The following ACOXL variants were observed in gnomAD, a reference collection of about 807,000 sequenced individuals.
ACOXL encodes acyl-coenzyme A oxidase-like protein.
A neutral mutation model predicts 71.9 loss-of-function variants in ACOXL; 70 were observed. The observed-to-expected ratio is 0.97, with a 90% CI of 0.80 to 1.19. The LOEUF (loss-of-function observed/expected upper bound fraction) is 1.19. Among genes scored for constraint, ACOXL ranks in the 50% most tolerant of loss-of-function variants. ACOXL has a pLI of 0.00. For missense variants in ACOXL, 703 were observed against 736.3 expected (o/e 0.95, Z 0.52); for synonymous variants, 253 against 281.6 (o/e 0.90, Z 1.02).
chr2:110,873,681 A>C (rs528864052), intron 10 of ACOXL, among the ~76,000 whole-genome samples: 189 of 152,168 alleles, frequency 1.2e-3, no homozygotes, highest in Middle Eastern at 6.8e-3. Flanking sequence ...TCATCCCTCA[A>C]ATTGCCCTGC....
intron 7 of ACOXL, among the ~76,000 whole-genome samples, chr2:110,800,287 G>A (rs574190209): frequency 6.6e-6 from 1 of 152,196 alleles, no homozygotes; most frequent in East Asian, 1.9e-4. Flanking sequence ...GGAAGGATTT[G>A]TTCTAGGACT....
At chr2:110,915,857 T>C (rs1248127258) in intron 11 of ACOXL, among the ~76,000 whole-genome samples, 3 of 152,244 alleles carry the variant, frequency 2.0e-5, no homozygotes, top group Middle Eastern at 3.4e-3. Context: ...GATTTTGATA[T>C]CAGTGTTATA....
intron 12 of ACOXL, among the ~76,000 whole-genome samples, chr2:110,986,453 T>C (rs1196241027): frequency 6.6e-6 from 1 of 152,222 alleles, no homozygotes; most frequent in African/African-American, 2.4e-5. Context: ...CTGCTGGTCT[T>C]CCCTGGGCTC....
At chr2:110,943,529 G>A (rs1342678878) in intron 12 of ACOXL, among the ~76,000 whole-genome samples, 1 of 152,182 alleles carries the variant, frequency 6.6e-6, no homozygotes, top group Non-Finnish European at 1.5e-5. Flanking sequence ...GCTTCCCCAA[G>A]CAGGGTAAGT....
chr2:111,075,683 T>C (rs1221467106), intron 16 of ACOXL, among the ~76,000 whole-genome samples: 1 of 152,100 alleles, frequency 6.6e-6, no homozygotes, highest in Non-Finnish European at 1.5e-5. Context: ...CTTTTCTTCT[T>C]TTCTCTTGTA....
chr2:110,834,590 C>A (rs145691031), intron 9 of ACOXL, among the ~76,000 whole-genome samples: 1 of 152,250 alleles, frequency 6.6e-6, no homozygotes, highest in Non-Finnish European at 1.5e-5. Flanking sequence ...AGTCCCAGTT[C>A]ACTGTGACAG....
intron 10 of ACOXL, among the ~76,000 whole-genome samples, chr2:110,882,302 T>A (rs1256086085): frequency 1.3e-5 from 2 of 152,072 alleles, no homozygotes; most frequent in Non-Finnish European, 2.9e-5. Context: ...TTTCACCATT[T>A]AAAAAAAATT....
chr2:110,948,965 A>G (rs943927094), intron 12 of ACOXL, among the ~76,000 whole-genome samples: 7 of 152,100 alleles, frequency 4.6e-5, no homozygotes, highest in Admixed American at 1.3e-4. Context: ...AGACACGTAC[A>G]TTTCACTACA....
rs566984448 is a variant in ACOXL at position 110,981,810 on chromosome 2, A to G, written c.1060-5298A>G. 4.6e-5 allele frequency among the ~76,000 whole-genome samples: 7 copies of G among 152,254 alleles called. No individual in the cohort carries two copies. The South Asian group carries it at 1.5e-3, about 32-fold the overall frequency. Reference sequence around the variant, plus strand: ...TGCGTGTGCATAGGCTGATCTCTCTATCTGCACTGGAAGACCCCGAGGGAC... The same window carrying G: ...TGCGTGTGCATAGGCTGATCTCTCTGTCTGCACTGGAAGACCCCGAGGGAC... On this transcript the variant is annotated intron_variant, in intron 12 of 17. Transcript: ENST00000439055.
intron 8 of ACOXL, among the ~76,000 whole-genome samples, chr2:110,804,854 A>G (rs972222225): frequency 6.6e-6 from 1 of 150,742 alleles, no homozygotes; most frequent in Non-Finnish European, 1.5e-5. Context: ...AGGGACTGCT[A>G]GTGGGGTGGG....
rs997771869 is a variant in ACOXL, at chr2:110,963,834, A to G, written c.1060-23274A>G. On this transcript the variant is annotated intron_variant, in intron 12 of 17. Coordinates refer to ENST00000439055, the MANE Select transcript of ACOXL (RefSeq NM_001142807.4). The stretch of plus-strand genomic sequence containing the variant: ...CAGGTGCTTTCCTGTTAGGCACTTG[A>G]TATTTGTTGTAGCTGAACAGGGGAT... 1.3e-4 allele frequency: 176 copies of G among 1,370,594 alleles called. No homozygotes were observed. In the Middle Eastern group the frequency reaches 2.3e-3, roughly 18 times the overall value. 84.9% of individuals were successfully genotyped at this position (1,370,594 alleles called of 1,614,324 possible).
At chr2:111,027,434 G>C (rs1330221841) in intron 14 of ACOXL, among the ~76,000 whole-genome samples, 2 of 150,754 alleles carry the variant, frequency 1.3e-5, no homozygotes, top group African/African-American at 4.9e-5. Flanking sequence ...CGATTCTTCT[G>C]CCTCAGCCTC....
At chr2:110,855,768 C>T (rs1573853323) in intron 10 of ACOXL, among the ~76,000 whole-genome samples, 1 of 152,212 alleles carries the variant, frequency 6.6e-6, no homozygotes, top group South Asian at 2.1e-4. Context: ...GTCTCTCTGA[C>T]TTCAAGAATG....
intron 14 of ACOXL, among the ~76,000 whole-genome samples, chr2:111,013,047 G>C (rs2149676800): frequency 6.6e-6 from 1 of 152,098 alleles, no homozygotes; most frequent in East Asian, 1.9e-4. Context: ...TAGCAAGACT[G>C]ATCAGGAAAA....
At chr2:111,038,446 C>A (rs1158743161) in intron 15 of ACOXL, among the ~76,000 whole-genome samples, 2 of 152,168 alleles carry the variant, frequency 1.3e-5, no homozygotes, top group Non-Finnish European at 1.5e-5. Context: ...ACTCTGTGAT[C>A]AAAAAATTGT....
In ACOXL at chr2:111,117,958, C is replaced by T. The variant is rs2070474000; in HGVS notation, c.*142C>T. Reference sequence around the variant, plus strand: ...GATTTTGGTGGCAAAGCGGAGGTCCCGCCGAGGCTGGCGAGGTGCGCGGCT... The same window carrying T: ...GATTTTGGTGGCAAAGCGGAGGTCCTGCCGAGGCTGGCGAGGTGCGCGGCT... On this transcript the variant is annotated 3_prime_UTR_variant, in exon 18 of 18. Transcript: ENST00000439055. The T allele has an allele frequency of 3.9e-6, 4 of 1,031,938 alleles. No individual in the cohort carries two copies. Among genetic ancestry groups the T allele is most frequent in the East Asian group, 2.6e-5 (1 of 37,952 alleles). 63.9% of individuals were successfully genotyped at this position (1,031,938 alleles called of 1,614,324 possible).
chr2:110,857,350 T>C (rs953555043), intron 10 of ACOXL, among the ~76,000 whole-genome samples: 4 of 152,190 alleles, frequency 2.6e-5, no homozygotes, highest in African/African-American at 9.6e-5. Context: ...TCATCTCTCA[T>C]TGGCCAGATA....
chr2:111,083,068 G>T (rs535147387), intron 16 of ACOXL, among the ~76,000 whole-genome samples: 110 of 152,244 alleles, frequency 7.2e-4, no homozygotes, highest in Admixed American at 2.5e-3. Context: ...AGCATTAGGA[G>T]AAATACCTAA....
chr2:110,937,811 A>G (rs573727560), intron 12 of ACOXL, among the ~76,000 whole-genome samples: 2 of 152,332 alleles, frequency 1.3e-5, no homozygotes, highest in South Asian at 4.1e-4. Context: ...ATTTTGGGCC[A>G]GTTATTCCCA....
Sources: allele counts gnomAD v4.1 joint callset (sites outside exome capture counted in the v4.1 genomes callset), GRCh38; gene constraint gnomAD v4.1.1; transcripts MANE v1.5; gene names NCBI Gene and HGNC (gene_info 2026-07-23, HGNC 2026-07-21).